Variants in RARB observed in about 807,000 individuals in gnomAD.
RARB encodes the protein retinoic acid receptor beta, also known as HBV-activated protein.
Under a neutral mutation model 51.9 loss-of-function variants are expected in RARB, and 17 were observed. The observed-to-expected ratio is 0.33, with a 90% confidence interval of 0.22 to 0.49. The LOEUF (loss-of-function observed/expected upper bound fraction) is 0.49, where lower values mean the gene tolerates loss of function less well. Among genes scored for constraint, RARB ranks in the 20% least tolerant of loss-of-function variants. The pLI, the probability that RARB is intolerant of heterozygous loss-of-function variation, is 0.99. For synonymous variants in RARB, 215 were observed against 195.4 expected, an observed-to-expected ratio of 1.10 and a Z score of -0.84; for missense variants, 369 against 550.8, an observed-to-expected ratio of 0.67 and a Z score of 3.30.
intron 2 of RARB, among the ~76,000 whole-genome samples, chr3:25,493,914 T>C (rs574445899): frequency 6.6e-6 from 1 of 152,282 alleles, no homozygotes; most frequent in South Asian, 2.1e-4. Context: ...AACACCACAG[T>C]ATGAATTCTC....
At chr3:25,105,010 C>T (rs146813613) in intron 3 of RARB, among the ~76,000 whole-genome samples, 251 of 152,086 alleles carry the variant, frequency 1.7e-3, no homozygotes, top group African/African-American at 2.4e-3. Context: ...GAGCTGTACA[C>T]GTACAGTTTG....
intron 1 of RARB, among the ~76,000 whole-genome samples, chr3:24,851,053 T>C (rs1702547784): frequency 6.6e-6 from 1 of 152,114 alleles, no homozygotes. Context: ...AAGAATTAGC[T>C]TAGAGAAAGC....
At chr3:25,427,779 G>T (rs975242547), upstream of RARB, among the ~76,000 whole-genome samples, 3 of 152,172 alleles carry the variant, frequency 2.0e-5, no homozygotes, top group Non-Finnish European at 4.4e-5. Context: ...ACAGTTTAGG[G>T]CTTGCATGTG....
chr3:24,861,800 C>T lies in RARB; in HGVS notation c.-380+3048C>T, dbSNP rs771511164. ...GCACTGTAACTGATGAAAGGATGAG[C>T]GTGAAAAAGACAAGTGACATTTTAG... is the stretch of plus-strand genomic sequence containing the variant. On this transcript the variant is annotated intron_variant, in intron 2 of 11. Transcript: ENST00000383772. Among the ~76,000 whole-genome samples the T allele has an allele frequency of 3.3e-5, 5 of 152,158 alleles. 1 individual carries two copies. Among genetic ancestry groups the T allele is most frequent in the Admixed American group, 2.6e-4 (4 of 15,276 alleles).
chr3:25,472,543 T>C (rs930415394), intron 2 of RARB, among the ~76,000 whole-genome samples: 5 of 152,150 alleles, frequency 3.3e-5, no homozygotes, highest in African/African-American at 4.8e-5. Context: ...GAGAAGTAGG[T>C]GGAATCGATT....
chr3:25,282,756 C>T (rs1703557161), intron 5 of RARB, among the ~76,000 whole-genome samples: 1 of 152,184 alleles, frequency 6.6e-6, no homozygotes, highest in African/African-American at 2.4e-5. Flanking sequence ...GAAACTGTTG[C>T]TGATGTGTTT....
chr3:25,066,814 T>C (rs1698673535), intron 3 of RARB, among the ~76,000 whole-genome samples: 1 of 152,208 alleles, frequency 6.6e-6, no homozygotes, highest in Admixed American at 6.5e-5. Flanking sequence ...TTTGTCCTCA[T>C]CTTATGTAAA....
intron 2 of RARB, among the ~76,000 whole-genome samples, chr3:25,039,000 T>G (rs890594493): frequency 6.6e-6 from 1 of 152,226 alleles, no homozygotes; most frequent in African/African-American, 2.4e-5. Flanking sequence ...GAGCAGCTAC[T>G]TTGCTTAAAC....
At chr3:25,301,315 T>C (rs1704031819) in intron 5 of RARB, among the ~76,000 whole-genome samples, 1 of 152,144 alleles carries the variant, frequency 6.6e-6, no homozygotes, top group South Asian at 2.1e-4. Context: ...TTTGTGCATA[T>C]CTTCTGTAGG....
chr3:25,580,839 T>C, intron 5 of RARB, 117 bp downstream of exon 5: 1 of 1,163,046 alleles, frequency 8.6e-7, no homozygotes, highest in Non-Finnish European at 1.2e-6. Flanking sequence ...GTTTCGACTC[T>C]AGCACTCACC....
intron 5 of RARB, among the ~76,000 whole-genome samples, chr3:25,366,055 C>G (rs1034784495): frequency 6.6e-6 from 1 of 152,188 alleles, no homozygotes; most frequent in African/African-American, 2.4e-5. Flanking sequence ...CACATTTCTT[C>G]CTACTGACTT....
chr3:25,202,200 A>T (rs1031202319), intron 5 of RARB, among the ~76,000 whole-genome samples: 2 of 152,088 alleles, frequency 1.3e-5, no homozygotes, highest in Non-Finnish European at 2.9e-5. Flanking sequence ...CATTTCTTCT[A>T]GATTTTCTAG....
intron 2 of RARB, among the ~76,000 whole-genome samples, chr3:24,933,157 AAAC>A (rs1456173683): frequency 2.6e-5 from 4 of 152,132 alleles, no homozygotes; most frequent in Non-Finnish European, 5.9e-5. Context: ...CTTTTTAAAA[AAAC>A]AATAAAAATA....
intron 5 of RARB, among the ~76,000 whole-genome samples, chr3:25,208,597 T>C (rs1701618001): frequency 6.6e-6 from 1 of 152,182 alleles, no homozygotes; most frequent in South Asian, 2.1e-4. Flanking sequence ...TTCCGCTCTC[T>C]TTGTCTATTC....
intron 2 of RARB, among the ~76,000 whole-genome samples, chr3:24,860,360 A>G (rs1218172874): frequency 1.3e-5 from 2 of 152,160 alleles, no homozygotes; most frequent in Non-Finnish European, 2.9e-5. Flanking sequence ...TTAGTTCTTC[A>G]GCCAGTTAAC....
intron 5 of RARB, among the ~76,000 whole-genome samples, chr3:25,302,351 G>T (rs1704060930): frequency 6.6e-6 from 1 of 152,178 alleles, no homozygotes; most frequent in Non-Finnish European, 1.5e-5. Context: ...ATTCATGATT[G>T]TAAATAACCC....
chr3:25,393,105 T>C (rs1707017407), intron 5 of RARB, among the ~76,000 whole-genome samples: 1 of 152,148 alleles, frequency 6.6e-6, no homozygotes, highest in Non-Finnish European at 1.5e-5. Flanking sequence ...AAAACGATGC[T>C]GGATTTTGTC....
intron 5 of RARB, among the ~76,000 whole-genome samples, chr3:25,392,849 C>A (rs1205272868): frequency 6.6e-6 from 1 of 152,066 alleles, no homozygotes; most frequent in Non-Finnish European, 1.5e-5. Flanking sequence ...AACAGTTTTA[C>A]TCCCTTTTTA....
chr3:24,950,988 G>T (rs942722863), intron 2 of RARB, among the ~76,000 whole-genome samples: 5 of 152,160 alleles, frequency 3.3e-5, no homozygotes, highest in African/African-American at 1.2e-4. Context: ...ACCAAACCCA[G>T]TTGCAGGACT....
Sources: gnomAD v4.1 joint callset for allele counts (sites outside exome capture counted in the v4.1 genomes callset) on GRCh38, gnomAD v4.1.1 for gene constraint, MANE v1.5 for transcripts, NCBI Gene and HGNC (gene_info 2026-07-23, HGNC 2026-07-21) for gene names.